The following TEX48 variants were observed in gnomAD, a reference collection of about 807,000 sequenced individuals.
The protein encoded by TEX48 is testis expressed 48.
In TEX48, 10 loss-of-function variants were observed where a neutral mutation model predicts 13.2. The observed-to-expected ratio is 0.75, with a 90% CI of 0.47 to 1.28. The LOEUF is 1.28. Among genes scored for constraint, TEX48 ranks in the 50% most tolerant of loss-of-function variants. TEX48 has a pLI of 0.00. For missense variants in TEX48, 116 were observed against 139.4 expected (o/e 0.83, Z 0.84); for synonymous variants, 45 against 52.3 (o/e 0.86, Z 0.60).
chr9:114,669,435 T>C (rs1827903688), intron 3 of TEX48, among the ~76,000 whole-genome samples: 1 of 151,844 alleles, frequency 6.6e-6, no homozygotes. Context: ...TGCACCACCA[T>C]GGCTGGCTAA....
chr9:114,675,969 G>T (rs1053219894), intron 1 of TEX48, among the ~76,000 whole-genome samples: 4 of 152,276 alleles, frequency 2.6e-5, no homozygotes, highest in East Asian at 3.9e-4. Flanking sequence ...GGATAAGTTA[G>T]GAGTCCCTCC....
chr9:114,676,880 T>C (rs1482053394), intron 1 of TEX48, among the ~76,000 whole-genome samples: 6 of 152,248 alleles, frequency 3.9e-5, no homozygotes, highest in Non-Finnish European at 5.9e-5. Flanking sequence ...CCTCCCAAAG[T>C]GCTGGGATTC....
At chr9:114,669,836 A>G (rs1201038879) in intron 3 of TEX48, among the ~76,000 whole-genome samples, 2 of 152,132 alleles carry the variant, frequency 1.3e-5, no homozygotes, top group African/African-American at 4.8e-5. Flanking sequence ...TGCCCCTCAA[A>G]GTGCTGGGAT....
At chr9:114,677,235 TTTTG>T (rs71492791) in intron 1 of TEX48, among the ~76,000 whole-genome samples, 4 of 150,592 alleles carry the variant, frequency 2.7e-5, no homozygotes, top group African/African-American at 4.9e-5. Context: ...GGTGAGGTGT[TTTTG>T]TTTGTTTGTT....
At chr9:114,672,932 T>C (rs1293773776) in intron 1 of TEX48, among the ~76,000 whole-genome samples, 1 of 152,124 alleles carries the variant, frequency 6.6e-6, no homozygotes, top group Admixed American at 6.5e-5. Flanking sequence ...CAATGATCAG[T>C]AAACTTGCGA....
chr9:114,674,546 TTC>T (rs927835627), intron 1 of TEX48, among the ~76,000 whole-genome samples: 6 of 150,978 alleles, frequency 4.0e-5, no homozygotes, highest in East Asian at 1.9e-4. Context: ...TCTTCTTTCT[TTC>T]TCTCTTTTTC....
rs1827944742 is a variant in TEX48, at chr9:114,671,459, C to T, written c.51G>A (p.Arg17=). 7.2e-6 allele frequency: 11 copies of T among 1,535,394 alleles called. No individual in the cohort carries two copies. In the East Asian group the frequency reaches 2.7e-4, roughly 38 times the overall value. The change falls in exon 3 of 5, where the codon AGG becomes AGA. Residue 17 remains arginine, a synonymous_variant. Coordinates refer to ENST00000436752, the MANE Select transcript of TEX48 (RefSeq NM_001199233.2). ...TGATGGCATAGGGCTCCTGACAGTC[C>T]CTGCAGCATAAACAGAAGATCTTCA... ...LILKIFCLCC[R]DCQEPYAIND...
chr9:114,668,575 A>G (rs969990808), intron 3 of TEX48, among the ~76,000 whole-genome samples: 6 of 152,220 alleles, frequency 3.9e-5, no homozygotes, highest in African/African-American at 9.6e-5. Context: ...TATGGGCTAC[A>G]TATGAAATTT....
At chr9:114,668,068 A>G in intron 4 of TEX48, 138 bp downstream of exon 4, 1 of 1,101,280 alleles carries the variant, frequency 9.1e-7, no homozygotes, top group Non-Finnish European at 1.3e-6. Flanking sequence ...GCTCTGGAAT[A>G]TGACTGGGGC....
Position 114,671,505 on chromosome 9 carries a change from G to A in TEX48, c.5C>T (p.Ala2Val). The change falls in exon 3 of 5, where the codon GCA (alanine) becomes GTA (valine). Residue 2 changes from alanine (A) to valine (V), a missense_variant and splice_region_variant. By Grantham distance (64) the Ala-to-Val change is moderately conservative (BLOSUM62 0). Transcript: ENST00000436752. ...CTTCAAGATCAGGTTTTGGTGGGCT[G>A]CTGTTGGAGGCAAAGGAATGAGGGG... is the stretch of plus-strand genomic sequence containing the variant. The part of the protein sequence containing the change: M[A>V]AHQNLILKIF... 2 of 1,523,648 alleles carry A rather than the reference G, an allele frequency of 1.3e-6. No individual in the cohort carries two copies. The highest frequency in any genetic ancestry group is 1.7e-6 in the Non-Finnish European group (2 of 1,143,968). 94.4% of individuals were successfully genotyped at this position (1,523,648 alleles called of 1,614,324 possible).
intron 1 of TEX48, among the ~76,000 whole-genome samples, chr9:114,675,332 A>C (rs1828041494): frequency 6.6e-6 from 1 of 152,138 alleles, no homozygotes. Context: ...AGTCAATTTT[A>C]GTTCTGCTCT....
intron 1 of TEX48, among the ~76,000 whole-genome samples, chr9:114,674,113 T>C (rs533680256): frequency 2.0e-5 from 3 of 152,256 alleles, no homozygotes; most frequent in African/African-American, 7.2e-5. Context: ...GCCAGAAAGA[T>C]TTTTTCTCTT....
At chr9:114,676,678 G>A (rs575296741) in intron 1 of TEX48, among the ~76,000 whole-genome samples, 7 of 150,446 alleles carry the variant, frequency 4.7e-5, no homozygotes, top group Middle Eastern at 3.5e-3. Flanking sequence ...GTACAGTGGC[G>A]CAATCTTGTC....
chr9:114,670,492 CT>C (rs11384418), intron 3 of TEX48, among the ~76,000 whole-genome samples: 16 of 148,340 alleles, frequency 1.1e-4, no homozygotes, highest in Admixed American at 3.4e-4. Context: ...AATAGTGCTT[CT>C]TTTTTTTTTT....
chr9:114,679,200 A>T (rs558631232), intron 1 of TEX48, among the ~76,000 whole-genome samples: 1 of 151,662 alleles, frequency 6.6e-6, no homozygotes. Flanking sequence ...GAAAAAATCA[A>T]TTGGAATGGG....
In TEX48 at chr9:114,671,595, G is replaced by C. The variant is rs1006452585; in HGVS notation, c.5-90C>G. 2.0e-6 allele frequency: 3 copies of C among 1,523,334 alleles called. No individual in the cohort carries two copies. In the East Asian group the frequency reaches 7.4e-5, roughly 37 times the overall value. The allele number at this position is 1,523,334 out of a possible 1,614,324, so 94.4% of individuals were successfully genotyped here. A position where few individuals can be genotyped will look rare whatever the true frequency, so the allele number is the denominator to read the frequency against. On this transcript the variant is annotated intron_variant, in intron 2 of 4. Transcript: ENST00000436752. The stretch of plus-strand genomic sequence containing the variant: ...ATTGACTGTGGTGGGGGTATCATTG[G>C]GTCAGCCTCTCCCAAGGCATTAATA...
intron 3 of TEX48, 121 bp downstream of exon 3, chr9:114,671,262 T>C: frequency 8.3e-7 from 1 of 1,210,168 alleles, no homozygotes; most frequent in Admixed American, 2.5e-5. Flanking sequence ...CCACCTCATT[T>C]TAAATTGGAA....
intron 1 of TEX48, 94 bp downstream of exon 1, chr9:114,681,941 A>T (rs1828209573): frequency 6.6e-6 from 1 of 152,320 alleles, no homozygotes; most frequent in South Asian, 2.1e-4. Flanking sequence ...GAGCAAAATG[A>T]ATAGGTGTCC....
intron 1 of TEX48, among the ~76,000 whole-genome samples, chr9:114,677,255 T>TTTG (rs1295732118): frequency 2.0e-4 from 23 of 117,940 alleles, no homozygotes; most frequent in African/African-American, 7.0e-4. Context: ...TTGTTTGTTT[T>TTTG]TTTGTTTTTC....
Sources: gnomAD v4.1 joint callset for allele counts (sites outside exome capture counted in the v4.1 genomes callset) on GRCh38, gnomAD v4.1.1 for gene constraint, MANE v1.5 for transcripts, NCBI Gene and HGNC (gene_info 2026-07-23, HGNC 2026-07-21) for gene names.